Variants in MET observed in about 807,000 individuals in gnomAD.
MET encodes MET proto-oncogene, receptor tyrosine kinase, also known as hepatocyte growth factor receptor.
MET carries 48 observed loss-of-function variants against 133.1 expected under a neutral mutation model. The observed-to-expected ratio is 0.36, with a 90% CI of 0.29 to 0.46. The LOEUF (loss-of-function observed/expected upper bound fraction) is 0.46. Among genes scored for constraint, MET ranks in the 20% least tolerant of loss-of-function variants. The pLI is 1.00. For synonymous variants in MET, 628 were observed against 616.5 expected, an observed-to-expected ratio of 1.02 and a Z score of -0.28; for missense variants, 1,442 against 1,695.9, an observed-to-expected ratio of 0.85 and a Z score of 2.63.
rs779950475 is a variant in MET, at chr7:116,731,724, G to A, written c.1257G>A (p.Glu419=). Residue 419 remains glutamate, a synonymous_variant, in exon 3 of 21, where the codon GAG becomes GAA. Coordinates refer to ENST00000397752, the MANE Select transcript of MET (RefSeq NM_000245.4). ...CGCGCCGTGATGAATATCGAACAGAGTTTACCACAGCTTTGCAGCGCGTTG... is the reference window on the plus strand; with the variant it reads ...CGCGCCGTGATGAATATCGAACAGAATTTACCACAGCTTTGCAGCGCGTTG... ...CEARRDEYRT[E]FTTALQRVDL... is the part of the protein sequence containing the mutation. 1 of 1,614,106 alleles carries A rather than the reference G, an allele frequency of 6.2e-7. No individual in the cohort carries two copies.
chr7:116,733,178 T>C (rs1267408813), intron 3 of MET, among the ~76,000 whole-genome samples: 2 of 152,142 alleles, frequency 1.3e-5, no homozygotes, highest in South Asian at 2.1e-4. Context: ...TGCTCATATC[T>C]ATTATGTGTA....
intron 1 of MET, among the ~76,000 whole-genome samples, chr7:116,681,486 C>T (rs1796356941): frequency 6.6e-6 from 1 of 152,172 alleles, no homozygotes; most frequent in Non-Finnish European, 1.5e-5. Flanking sequence ...TATTAGCTTT[C>T]CTTGAGGATA....
At chr7:116,730,517 G>C (rs1416982830) in intron 2 of MET, among the ~76,000 whole-genome samples, 3 of 152,188 alleles carry the variant, frequency 2.0e-5, no homozygotes, top group South Asian at 2.1e-4. Flanking sequence ...CAGTGGATGT[G>C]GTGGGTCTAG....
At chr7:116,745,335 A>G (rs892921324) in intron 5 of MET, among the ~76,000 whole-genome samples, 26 of 152,280 alleles carry the variant, frequency 1.7e-4, no homozygotes, top group Admixed American at 1.4e-3. Context: ...AATCAATATC[A>G]TGAAAATGGC....
chr7:116,685,746 A>G (rs1373257360), intron 1 of MET, among the ~76,000 whole-genome samples: 1 of 152,128 alleles, frequency 6.6e-6, no homozygotes, highest in Non-Finnish European at 1.5e-5. Context: ...GTCTCCTCAT[A>G]TCCTACAAAC....
chr7:116,714,705 A>AT (rs998512918), intron 2 of MET, among the ~76,000 whole-genome samples: 1 of 151,506 alleles, frequency 6.6e-6, no homozygotes. Context: ...TTTTGTTTAT[A>AT]TTTTTTTCCC....
At position 116,726,645 on chromosome 7, in the gene MET, G is replaced by A. The variant is rs534005596; in HGVS notation, c.1201-5023G>A. Among the ~76,000 whole-genome samples, 130 of 152,288 alleles carry A rather than the reference G, an allele frequency of 8.5e-4. 1 individual carries two copies. The highest frequency in any genetic ancestry group is 3.1e-3 in the African/African-American group (127 of 41,548). On this transcript the variant is annotated intron_variant, in intron 2 of 20. Transcript: ENST00000397752. ...GAGCAGTGCAAGGACCCAAGAAATG[G>A]GAGGGTCTTGACTCGGGATAACCAC...
intron 3 of MET, among the ~76,000 whole-genome samples, chr7:116,738,894 T>C (rs575419504): frequency 1.3e-5 from 2 of 152,364 alleles, no homozygotes; most frequent in African/African-American, 4.8e-5. Context: ...GGAGTGACTA[T>C]GTAATCGTAA....
intron 2 of MET, among the ~76,000 whole-genome samples, chr7:116,721,279 T>C (rs1261636019): frequency 1.3e-5 from 2 of 152,338 alleles, no homozygotes; most frequent in Admixed American, 1.3e-4. Context: ...TGCGTAGAAG[T>C]GTTTGTAGTA....
At chr7:116,716,280 A>AGG (rs1792189473) in intron 2 of MET, among the ~76,000 whole-genome samples, 2 of 90,914 alleles carry the variant, frequency 2.2e-5, no homozygotes, top group Non-Finnish European at 4.2e-5. Flanking sequence ...AAGGAGGGAG[A>AGG]GAGGGAGAGA....
At chr7:116,711,136 C>G (rs532061590) in intron 2 of MET, among the ~76,000 whole-genome samples, 98 of 152,356 alleles carry the variant, frequency 6.4e-4, no homozygotes, top group African/African-American at 2.2e-3. Flanking sequence ...TTGCTATTAG[C>G]AAAGCTTTCC....
chr7:116,714,435 A>T (rs1300476012), intron 2 of MET, among the ~76,000 whole-genome samples: 5 of 152,142 alleles, frequency 3.3e-5, no homozygotes, highest in Non-Finnish European at 1.5e-5. Flanking sequence ...GAACTGGCTC[A>T]ACTTCGACCT....
At chr7:116,788,428 G>A (rs148612113) in intron 19 of MET, among the ~76,000 whole-genome samples, 1 of 152,168 alleles carries the variant, frequency 6.6e-6, no homozygotes, top group African/African-American at 2.4e-5. Context: ...GCAAGTGTTG[G>A]GATTCTAAGC....
chr7:116,797,256 A>T lies in MET; in HGVS notation c.*1132A>T. 4.6e-6 allele frequency: 1 copy of T among 218,156 alleles called. No individual in the cohort carries two copies. The highest frequency in any genetic ancestry group is 6.8e-5 in the East Asian group (1 of 14,756). 13.5% of individuals were successfully genotyped at this position (218,156 alleles called of 1,614,324 possible). ...TAACTCAGCATGTTTGTAAAGCAGG[A>T]TACATTTTACTAAAAGGTTCATTGG... On this transcript the variant is annotated 3_prime_UTR_variant, in exon 21 of 21. Coordinates refer to ENST00000397752, the MANE Select transcript of MET (RefSeq NM_000245.4).
rs563716794 is a variant in MET, at chr7:116,693,829, G to A, written c.-14-5242G>A. Among the ~76,000 whole-genome samples the A allele has an allele frequency of 6.6e-5, 10 of 152,274 alleles. No individual in the cohort carries two copies. The East Asian group carries it at 1.7e-3, about 26-fold the overall frequency. ...TAAGTGTTTGTTGGGGGCCATGTAC[G>A]AACAATAGAGAACATGCATTGACCT... On this transcript the variant is annotated intron_variant, in intron 1 of 20. Coordinates refer to ENST00000397752, the MANE Select transcript of MET (RefSeq NM_000245.4).
chr7:116,743,413 G>A (rs1793540442), intron 5 of MET, among the ~76,000 whole-genome samples: 1 of 152,152 alleles, frequency 6.6e-6, no homozygotes, highest in Admixed American at 6.5e-5. Context: ...CTGAAGCCAG[G>A]GAGCCAAGTG....
chr7:116,772,048 CATT>C (rs976867068), intron 14 of MET, 59 bp downstream of exon 14: 27 of 1,584,072 alleles, frequency 1.7e-5, no homozygotes, highest in Admixed American at 1.3e-4. Context: ...TGGGTTGTGA[CATT>C]GTTGTTTATT....
At chr7:116,673,941 A>T (rs543581054) in intron 1 of MET, among the ~76,000 whole-genome samples, 2 of 152,340 alleles carry the variant, frequency 1.3e-5, no homozygotes, top group East Asian at 3.9e-4. Flanking sequence ...CTGCTGAATA[A>T]CAGAGGGAAA....
intron 10 of MET, among the ~76,000 whole-genome samples, chr7:116,759,810 C>G (rs1172454283): frequency 2.0e-5 from 3 of 151,912 alleles, no homozygotes; most frequent in Non-Finnish European, 4.4e-5. Flanking sequence ...AGTATCTCAC[C>G]CTGTCATCCA....
Sources: allele counts gnomAD v4.1 joint callset (sites outside exome capture counted in the v4.1 genomes callset), GRCh38; gene constraint gnomAD v4.1.1; transcripts MANE v1.5; gene names NCBI Gene and HGNC (gene_info 2026-07-23, HGNC 2026-07-21).